ZDHHC14: variants seen among roughly 807,000 people sequenced by gnomAD.
ZDHHC14 encodes the protein palmitoyltransferase ZDHHC14.
A neutral mutation model predicts 47.7 loss-of-function variants in ZDHHC14; 16 were observed. The observed-to-expected ratio is 0.34, with a 90% CI of 0.23 to 0.51. The LOEUF (loss-of-function observed/expected upper bound fraction) is 0.51, where lower values mean the gene tolerates loss of function less well. Among genes scored for constraint, ZDHHC14 ranks in the 20% least tolerant of loss-of-function variants. The pLI is 0.97. For synonymous variants in ZDHHC14, 293 were observed against 278.9 expected (o/e 1.05, Z -0.50); for missense variants, 515 against 662.5 (o/e 0.78, Z 2.44).
At chr6:157,452,689 G>GGTTTTT (rs1778828593) in intron 1 of ZDHHC14, among the ~76,000 whole-genome samples, 1 of 121,640 alleles carries the variant, frequency 8.2e-6, no homozygotes, top group African/African-American at 3.0e-5. Flanking sequence ...AATACATGGG[G>GGTTTTT]ATTTTTTTTT....
chr6:157,500,255 G>A (rs563925451), intron 1 of ZDHHC14, among the ~76,000 whole-genome samples: 14 of 152,262 alleles, frequency 9.2e-5, no homozygotes, highest in African/African-American at 3.4e-4. Context: ...CATGTTTGAG[G>A]CATGGGAAGA....
chr6:157,622,769 G>C (rs1446162629), intron 3 of ZDHHC14, among the ~76,000 whole-genome samples: 2 of 152,116 alleles, frequency 1.3e-5, no homozygotes, highest in Non-Finnish European at 2.9e-5. Context: ...GGCATGCCTA[G>C]AATCTCATGT....
chr6:157,564,876 C>G (rs965663519), intron 2 of ZDHHC14, among the ~76,000 whole-genome samples: 2 of 152,148 alleles, frequency 1.3e-5, no homozygotes, highest in African/African-American at 4.8e-5. Context: ...CAATACGGGG[C>G]AGGAGGGGTG....
intron 2 of ZDHHC14, among the ~76,000 whole-genome samples, chr6:157,570,810 C>T (rs1783071849): frequency 6.6e-6 from 1 of 151,626 alleles, no homozygotes; most frequent in Non-Finnish European, 1.5e-5. Context: ...TATACACACA[C>T]ACACACATAT....
intron 3 of ZDHHC14, among the ~76,000 whole-genome samples, chr6:157,614,628 A>G (rs2114928377): frequency 6.6e-6 from 1 of 152,298 alleles, no homozygotes; most frequent in Admixed American, 6.5e-5. Context: ...TCGATCTGCC[A>G]CAAATGGGAA....
chr6:157,664,474 C>T (rs558973636), intron 8 of ZDHHC14, among the ~76,000 whole-genome samples: 31 of 152,248 alleles, frequency 2.0e-4, no homozygotes, highest in African/African-American at 1.9e-4. Context: ...TCACCTTGAA[C>T]GTGTGTGGGT....
chr6:157,394,089 AC>A (rs1777474895), intron 1 of ZDHHC14, among the ~76,000 whole-genome samples: 1 of 152,130 alleles, frequency 6.6e-6, no homozygotes, highest in South Asian at 2.1e-4. Context: ...TCAGGGCCCC[AC>A]CACTCTCAGG....
chr6:157,402,433 A>G (rs900561390), intron 1 of ZDHHC14, among the ~76,000 whole-genome samples: 1 of 150,694 alleles, frequency 6.6e-6, no homozygotes, highest in African/African-American at 2.4e-5. Flanking sequence ...CTGAGGTCAC[A>G]ACTGCAGTAG....
intron 1 of ZDHHC14, among the ~76,000 whole-genome samples, chr6:157,394,997 G>T (rs529116847): frequency 6.7e-6 from 1 of 150,166 alleles, no homozygotes; most frequent in Admixed American, 6.7e-5. Context: ...CAGCCAGTTC[G>T]TGCACCCATA....
intron 2 of ZDHHC14, among the ~76,000 whole-genome samples, chr6:157,581,150 C>T (rs1412448458): frequency 2.0e-5 from 3 of 152,014 alleles, no homozygotes; most frequent in East Asian, 3.9e-4. Context: ...CAAAGAACTT[C>T]TTGATTTCTG....
chr6:157,443,889 T>C (rs1453549610), intron 1 of ZDHHC14, among the ~76,000 whole-genome samples: 1 of 152,198 alleles, frequency 6.6e-6, no homozygotes, highest in African/African-American at 2.4e-5. Context: ...TGCTTCAGAT[T>C]AAATGCCATA....
rs34422181 is a variant in ZDHHC14, at chr6:157,677,240, T to TAAAAAAAAAAAAAAAA, written c.*4124_*4139dup. The TAAAAAAAAAAAAAAAA allele has an allele frequency of 7.9e-6, 1 of 126,592 alleles. No individual in the cohort carries two copies. The highest frequency in any genetic ancestry group is 2.9e-5 in the African/African-American group (1 of 34,254). The allele number at this position is 126,592 out of a possible 1,614,324, so 7.8% of individuals were successfully genotyped here. ...ATGCTATTTTCCAAGGTACCTCATT[T>TAAAAAAAAAAAAAAAA]AAAAAAAAAAAAAAAAAAAAACTGC... On this transcript the variant is annotated 3_prime_UTR_variant, in exon 9 of 9. Coordinates refer to ENST00000359775, the MANE Select transcript of ZDHHC14 (RefSeq NM_024630.3).
chr6:157,595,391 AC>A (rs1784087471), intron 3 of ZDHHC14, among the ~76,000 whole-genome samples: 1 of 151,692 alleles, frequency 6.6e-6, no homozygotes, highest in Admixed American at 6.6e-5. Flanking sequence ...ACGAGGTTTC[AC>A]CATGTTGGCC....
chr6:157,622,577 G>A (rs1785239041), intron 3 of ZDHHC14, among the ~76,000 whole-genome samples: 1 of 151,930 alleles, frequency 6.6e-6, no homozygotes, highest in Non-Finnish European at 1.5e-5. Flanking sequence ...GCTCTCACTG[G>A]TACCCCATGG....
At chr6:157,512,858 T>C (rs541424315) in intron 1 of ZDHHC14, among the ~76,000 whole-genome samples, 6 of 152,350 alleles carry the variant, frequency 3.9e-5, no homozygotes, top group Admixed American at 2.0e-4. Flanking sequence ...TGAGAAATTA[T>C]TTATTTTATA....
intron 2 of ZDHHC14, among the ~76,000 whole-genome samples, chr6:157,581,006 T>C (rs934093465): frequency 6.6e-6 from 1 of 152,072 alleles, no homozygotes; most frequent in Non-Finnish European, 1.5e-5. Flanking sequence ...CCTCTAGTTA[T>C]GATGTTAGGT....
chr6:157,605,746 C>T (rs1017673887), intron 3 of ZDHHC14, among the ~76,000 whole-genome samples: 7 of 152,158 alleles, frequency 4.6e-5, no homozygotes, highest in Non-Finnish European at 7.4e-5. Context: ...CCAGCAGGAA[C>T]GCTGTAGTAT....
rs543518597 is a variant in ZDHHC14, at chr6:157,552,542, C to T, written c.406+9797C>T. ...CCAAGTGTGGAGGTAACATGAAAGG[C>T]AGCTCAGGAACAAAAGGAAGCAAAG... is the stretch of plus-strand genomic sequence containing the variant. On this transcript the variant is annotated intron_variant, in intron 2 of 8. Transcript: ENST00000359775. Among the ~76,000 whole-genome samples the T allele has an allele frequency of 3.9e-5, 6 of 152,216 alleles. No homozygotes were observed. In the East Asian group the frequency reaches 1.2e-3, roughly 29 times the overall value.
chr6:157,653,662 T>C (rs1249491678), intron 8 of ZDHHC14, 35 bp downstream of exon 8: 1 of 1,595,160 alleles, frequency 6.3e-7, no homozygotes, highest in Admixed American at 1.7e-5. Context: ...TGCGAGGGCT[T>C]CCCTTTTGCT....
Sources: gnomAD v4.1 joint callset for allele counts (sites outside exome capture counted in the v4.1 genomes callset) on GRCh38, gnomAD v4.1.1 for gene constraint, MANE v1.5 for transcripts, NCBI Gene and HGNC (gene_info 2026-07-23, HGNC 2026-07-21) for gene names.